CCDC102B: variants seen among roughly 807,000 people sequenced by gnomAD.
CCDC102B encodes coiled-coil domain-containing protein 102B.
In CCDC102B, 75 loss-of-function variants were observed where a neutral mutation model predicts 57.4. The observed-to-expected ratio is 1.31, with a 90% confidence interval of 1.08 to 1.58. The LOEUF is 1.58. Among genes scored for constraint, CCDC102B ranks in the 40% most tolerant of loss-of-function variants. The pLI, the probability that CCDC102B is intolerant of heterozygous loss-of-function variation, is 0.00. For missense variants in CCDC102B, 636 were observed against 582.6 expected, an observed-to-expected ratio of 1.09 and a Z score of -0.94; for synonymous variants, 206 against 201.9, an observed-to-expected ratio of 1.02 and a Z score of -0.17.
At chr18:68,835,208 A>G (rs2037314923) in intron 1 of CCDC102B, among the ~76,000 whole-genome samples, 1 of 152,124 alleles carries the variant, frequency 6.6e-6, no homozygotes, top group South Asian at 2.1e-4. Flanking sequence ...GTGTGTTGGT[A>G]TTTGTATGGA....
intron 6 of CCDC102B, among the ~76,000 whole-genome samples, chr18:68,910,947 G>A (rs2040820063): frequency 6.6e-6 from 1 of 151,322 alleles, no homozygotes; most frequent in Non-Finnish European, 1.5e-5. Context: ...AGATGATGGT[G>A]AGGTTGTGAA....
intron 2 of CCDC102B, among the ~76,000 whole-genome samples, chr18:68,755,973 A>G (rs1484074005): frequency 6.6e-6 from 1 of 151,704 alleles, no homozygotes; most frequent in East Asian, 1.9e-4. Context: ...AATCAACACT[A>G]TTAAGAAAAT....
chr18:68,746,449 A>C (rs1248709949), intron 2 of CCDC102B, among the ~76,000 whole-genome samples: 1 of 152,150 alleles, frequency 6.6e-6, no homozygotes, highest in Non-Finnish European at 1.5e-5. Context: ...CCAGTGTGAT[A>C]TGCTTTCTTC....
chr18:68,948,764 T>G (rs564529402), intron 6 of CCDC102B, among the ~76,000 whole-genome samples: 98 of 152,254 alleles, frequency 6.4e-4, no homozygotes, highest in Non-Finnish European at 1.1e-3. Flanking sequence ...AGTGAATACC[T>G]GGCCATACAC....
Position 68,725,996 on chromosome 18 carries a change from A to G in CCDC102B, c.-67+9402A>G, listed in dbSNP as rs1173342206. Among the ~76,000 whole-genome samples the G allele has an allele frequency of 3.3e-5, 5 of 152,204 alleles. No homozygotes were observed. In the East Asian group the frequency reaches 7.7e-4, roughly 23 times the overall value. ...AGCAGCCCTTTTATGTCAGTTAGGTACAGGAACGTTGCCTCGGTCTGCTAA... is the reference window on the plus strand; with the variant it reads ...AGCAGCCCTTTTATGTCAGTTAGGTGCAGGAACGTTGCCTCGGTCTGCTAA... On this transcript the variant is annotated intron_variant, in intron 2 of 3. Transcript: ENST00000578970.
intron 2 of CCDC102B, among the ~76,000 whole-genome samples, chr18:68,744,602 G>A (rs904700366): frequency 4.6e-5 from 7 of 152,018 alleles, no homozygotes; most frequent in East Asian, 1.9e-4. Context: ...TTAGGTGTTC[G>A]GGTTGACACC....
At chr18:68,884,768 A>G (rs1484894682) in intron 5 of CCDC102B, among the ~76,000 whole-genome samples, 2 of 149,466 alleles carry the variant, frequency 1.3e-5, no homozygotes, top group African/African-American at 4.9e-5. Context: ...TATATGTATA[A>G]TGAATCAGTC....
intron 1 of CCDC102B, among the ~76,000 whole-genome samples, chr18:68,831,717 C>T (rs569435589): frequency 2.8e-4 from 43 of 152,212 alleles, no homozygotes; most frequent in African/African-American, 9.6e-4. Flanking sequence ...TAAGCATGAA[C>T]AAATCTTGAA....
chr18:68,851,284 A>C (rs2038112003), intron 4 of CCDC102B, among the ~76,000 whole-genome samples: 1 of 152,042 alleles, frequency 6.6e-6, no homozygotes, highest in Admixed American at 6.6e-5. Context: ...AGGATTTTAG[A>C]TTTTCCAGGG....
chr18:68,972,039 G>A (rs2050314922), intron 6 of CCDC102B, among the ~76,000 whole-genome samples: 1 of 151,998 alleles, frequency 6.6e-6, no homozygotes, highest in South Asian at 2.1e-4. Flanking sequence ...TGCTTGGAAA[G>A]GATATCTTTA....
intron 6 of CCDC102B, among the ~76,000 whole-genome samples, chr18:68,913,842 A>G (rs574729960): frequency 3.9e-5 from 6 of 152,256 alleles, no homozygotes; most frequent in Non-Finnish European, 7.4e-5. Context: ...TATTTCCAAT[A>G]TATGAATAAA....
chr18:68,851,410 C>A (rs1475558772), intron 4 of CCDC102B, among the ~76,000 whole-genome samples: 1 of 152,082 alleles, frequency 6.6e-6, no homozygotes, highest in Admixed American at 6.6e-5. Context: ...TAGAATTCTG[C>A]AAATGAATAT....
intron 1 of CCDC102B, among the ~76,000 whole-genome samples, chr18:68,814,390 C>A (rs373957920): frequency 6.6e-6 from 1 of 151,996 alleles, no homozygotes; most frequent in South Asian, 2.1e-4. Context: ...TAGAAATAAA[C>A]TGGTTTCATC....
chr18:68,977,650 G>A (rs557009779), intron 6 of CCDC102B, among the ~76,000 whole-genome samples: 83 of 151,590 alleles, frequency 5.5e-4, no homozygotes, highest in African/African-American at 2.0e-3. Context: ...ATATGATAAT[G>A]ATGATGATGA....
intron 1 of CCDC102B, among the ~76,000 whole-genome samples, chr18:68,829,136 A>G (rs1026004546): frequency 9.9e-5 from 15 of 151,932 alleles, no homozygotes; most frequent in African/African-American, 3.6e-4. Context: ...TTTTTTGTTG[A>G]TTCGATTTAT....
intron 6 of CCDC102B, among the ~76,000 whole-genome samples, chr18:68,998,993 TATATATAGAGAGAGAGAGAGAGAGAGAG>T (rs2051120373): frequency 3.7e-5 from 2 of 54,616 alleles, no homozygotes; most frequent in African/African-American, 1.3e-4. Context: ...TATATATATA[TATATATAGAGAGAGAGAGAGAGAGAGAG>T]AGAGAGAGAG....
chr18:69,002,727 A>G (rs1199169172), intron 6 of CCDC102B, among the ~76,000 whole-genome samples: 1 of 152,138 alleles, frequency 6.6e-6, no homozygotes, highest in Non-Finnish European at 1.5e-5. Flanking sequence ...GTGAGATGAA[A>G]GTGATTTTTT....
At chr18:68,752,185 G>A (rs1044795636) in intron 2 of CCDC102B, among the ~76,000 whole-genome samples, 1 of 151,946 alleles carries the variant, frequency 6.6e-6, no homozygotes, top group African/African-American at 2.4e-5. Context: ...AGTGGAACCC[G>A]GGAAGCAGAG....
chr18:69,000,429 A>G (rs1387438514), intron 6 of CCDC102B, among the ~76,000 whole-genome samples: 3 of 152,162 alleles, frequency 2.0e-5, no homozygotes, highest in Non-Finnish European at 4.4e-5. Flanking sequence ...TAGCCTATTT[A>G]ACTATTCTTA....
Sources: allele counts gnomAD v4.1 joint callset (sites outside exome capture counted in the v4.1 genomes callset), GRCh38; gene constraint gnomAD v4.1.1; transcripts MANE v1.5; gene names NCBI Gene and HGNC (gene_info 2026-07-23, HGNC 2026-07-21).